Variants in KIRREL3 observed in about 807,000 individuals in gnomAD.
KIRREL3 encodes the protein kirre like nephrin family adhesion molecule 3.
Under a neutral mutation model 89.7 loss-of-function variants are expected in KIRREL3, and 36 were observed. That is an observed-to-expected ratio of 0.40 (90% CI 0.31 to 0.53). The LOEUF is 0.53. Ranked by LOEUF, KIRREL3 falls within the 20% of genes least tolerant of loss-of-function variation. KIRREL3 has a pLI of 0.49. For synonymous variants in KIRREL3, 445 were observed against 441.4 expected, an observed-to-expected ratio of 1.01 and a Z score of -0.10; for missense variants, 864 against 1,056.6, an observed-to-expected ratio of 0.82 and a Z score of 2.53.
chr11:126,809,801 C>T (rs866209160), intron 1 of KIRREL3, among the ~76,000 whole-genome samples: 9 of 152,124 alleles, frequency 5.9e-5, no homozygotes, highest in African/African-American at 2.2e-4. Flanking sequence ...GGATTACAGA[C>T]AAAACCCTCC....
Position 126,423,647 on chromosome 11 carries a change from C to T in KIRREL3, c.*933G>A, listed in dbSNP as rs1050251495. ...AGGGCAGTCTCGCCATCTTAAAGAC[C>T]TGCCCTCCAGCCCCTTCAAACGCCA... On this transcript the variant is annotated 3_prime_UTR_variant, in exon 17 of 17. Coordinates refer to ENST00000525144, the MANE Select transcript of KIRREL3 (RefSeq NM_032531.4). The T allele has an allele frequency of 5.3e-5, 8 of 152,306 alleles. No individual in the cohort carries two copies. The highest frequency in any genetic ancestry group is 1.9e-4 in the African/African-American group (8 of 41,550). 9.4% of individuals were successfully genotyped at this position (152,306 alleles called of 1,614,324 possible).
intron 13 of KIRREL3, 83 bp downstream of exon 13, chr11:126,435,185 A>G: frequency 7.0e-7 from 1 of 1,428,164 alleles, no homozygotes; most frequent in Non-Finnish European, 9.8e-7. Context: ...AGGCCTCCCT[A>G]CCCCCTGCTG....
Position 126,704,637 on chromosome 11 carries a change from A to G in KIRREL3, c.56-141725T>C, listed in dbSNP as rs1947446344. ...TACACAGACAGGGCTCTATTTTTGGATGTCTTGGTTCTCATGAGTTGTGGC... is the reference window on the plus strand; with the variant it reads ...TACACAGACAGGGCTCTATTTTTGGGTGTCTTGGTTCTCATGAGTTGTGGC... On this transcript the variant is annotated intron_variant, in intron 1 of 16. Transcript: ENST00000525144. This position sits in a 1 kb window ranked among gnomAD's most constrained non-coding sequence, Gnocchi z 4.2. Among the ~76,000 whole-genome samples, 1 of 152,020 alleles carries G rather than the reference A, an allele frequency of 6.6e-6. No individual in the cohort carries two copies. The highest frequency in any genetic ancestry group is 6.5e-5 in the Admixed American group (1 of 15,272).
Position 126,963,949 on chromosome 11 carries a change from T to G in KIRREL3, c.55+36506A>C, listed in dbSNP as rs111274565. Among the ~76,000 whole-genome samples the G allele has an allele frequency of 1.3e-3, 204 of 152,254 alleles. 2 individuals carry two copies. Among genetic ancestry groups the G allele is most frequent in the African/African-American group, 4.5e-3 (189 of 41,556 alleles). On this transcript the variant is annotated intron_variant, in intron 1 of 16. Coordinates refer to ENST00000525144, the MANE Select transcript of KIRREL3 (RefSeq NM_032531.4). ...GCACTTGTCCATAACGGAAGAGGGATGTGTATTTGAGCGAGGGGAGGTACA... is the reference window on the plus strand; with the variant it reads ...GCACTTGTCCATAACGGAAGAGGGAGGTGTATTTGAGCGAGGGGAGGTACA...
chr11:126,508,275 G>C lies in KIRREL3; in HGVS notation c.433+13040C>G, dbSNP rs1036222435. 6.6e-6 allele frequency among the ~76,000 whole-genome samples: 1 copy of C among 152,190 alleles called. No homozygotes were observed. Among genetic ancestry groups the C allele is most frequent in the Non-Finnish European group, 1.5e-5 (1 of 68,030 alleles). On this transcript the variant is annotated intron_variant, in intron 4 of 16. Transcript: ENST00000525144. This position sits in a 1 kb window ranked among gnomAD's most constrained non-coding sequence, Gnocchi z 4.9. ...GGGACTCAGCTATTTATTTTTGTGA[G>C]ATGGAGGCTTCTGGGTGCCTATGAA...
chr11:126,662,249 C>T (rs566914268), intron 1 of KIRREL3, among the ~76,000 whole-genome samples: 2 of 152,138 alleles, frequency 1.3e-5, no homozygotes, highest in African/African-American at 2.4e-5. Context: ...TGACTAAGAG[C>T]CCATTACCAT....
chr11:126,868,655 C>A (rs1175030680), intron 1 of KIRREL3, among the ~76,000 whole-genome samples: 2 of 152,078 alleles, frequency 1.3e-5, no homozygotes, highest in Non-Finnish European at 2.9e-5. Context: ...CATGTAGGGG[C>A]CGATCATTAT....
intron 1 of KIRREL3, among the ~76,000 whole-genome samples, chr11:126,662,352 T>G (rs191110273): frequency 6.6e-6 from 1 of 152,240 alleles, no homozygotes; most frequent in Non-Finnish European, 1.5e-5. Flanking sequence ...TAGAGGCTTA[T>G]GAAAGCCATG....
chr11:126,600,107 CT>C (rs1435378589), intron 1 of KIRREL3, among the ~76,000 whole-genome samples: 1 of 152,186 alleles, frequency 6.6e-6, no homozygotes, highest in African/African-American at 2.4e-5. Context: ...CAGATGCTTG[CT>C]TTGATGAAGA....
In KIRREL3 at chr11:126,977,047, G is replaced by T. The variant is rs949976640; in HGVS notation, c.55+23408C>A. Among the ~76,000 whole-genome samples, 10 of 152,102 alleles carry T rather than the reference G, an allele frequency of 6.6e-5. No individual in the cohort carries two copies. The highest frequency in any genetic ancestry group is 4.4e-5 in the Non-Finnish European group (3 of 67,994). On this transcript the variant is annotated intron_variant, in intron 1 of 16. Transcript: ENST00000525144. This position sits in a 1 kb window ranked among gnomAD's most constrained non-coding sequence, Gnocchi z 4.7. ...ATAAACATCATGCTGCATTTCCCAAGGAGGACTGCCCTTTTTATTCTTCTT... is the reference window on the plus strand; with the variant it reads ...ATAAACATCATGCTGCATTTCCCAATGAGGACTGCCCTTTTTATTCTTCTT...
rs373386744 is a variant in KIRREL3, at chr11:126,449,073, G to A, written c.933C>T (p.Pro311=). Residue 311 remains proline, a synonymous_variant, in exon 8 of 17, where the codon CCC becomes CCT. Coordinates refer to ENST00000525144, the MANE Select transcript of KIRREL3 (RefSeq NM_032531.4). ...GGGCGTTGGTCACCTCACAGGAGAC[G>A]GGCTCTGAGAAGTACGTGTAGTCCA... ...TTVDYTYFSE[P]VSCEVTNALG... is the part of the protein sequence containing the mutation. 2.5e-4 allele frequency: 409 copies of A among 1,613,832 alleles called. No individual in the cohort carries two copies. The highest frequency in any genetic ancestry group is 3.3e-4 in the Middle Eastern group (2 of 6,084).
intron 1 of KIRREL3, among the ~76,000 whole-genome samples, chr11:126,840,284 T>G (rs1943919730): frequency 6.6e-6 from 1 of 152,174 alleles, no homozygotes; most frequent in Non-Finnish European, 1.5e-5. Flanking sequence ...TGTAGGAAGC[T>G]CATGAGCATA....
Position 126,609,827 on chromosome 11 carries a change from CTG to C in KIRREL3, c.56-46917_56-46916del, listed in dbSNP as rs201148752. On this transcript the variant is annotated intron_variant, in intron 1 of 16. Transcript: ENST00000525144. The surrounding 1 kb of genome is among the most constrained non-coding windows in gnomAD (Gnocchi z 5.0). Reference sequence around the variant, plus strand: ...CACTCGCAGCTCCAGCACATTCTTACTGTGTCAGTTTTTTTCTGTTGATTATG... The same window carrying C: ...CACTCGCAGCTCCAGCACATTCTTACTGTCAGTTTTTTTCTGTTGATTATG... 0.03 allele frequency among the ~76,000 whole-genome samples: 4,589 copies of C among 152,264 alleles called. 103 individuals are homozygous for C. Among genetic ancestry groups the C allele is most frequent in the Middle Eastern group, 0.071 (21 of 294 alleles).
intron 1 of KIRREL3, among the ~76,000 whole-genome samples, chr11:126,625,670 A>T (rs1591834290): frequency 1.3e-5 from 2 of 152,226 alleles, no homozygotes; most frequent in Admixed American, 1.3e-4. Flanking sequence ...GGAACATAGC[A>T]GACCACTTTA....
rs572615537 is a variant in KIRREL3 at position 126,531,847 on chromosome 11, C to G, written c.134-5160G>C. On this transcript the variant is annotated intron_variant, in intron 2 of 16. Transcript: ENST00000525144. This position sits in a 1 kb window ranked among gnomAD's most constrained non-coding sequence, Gnocchi z 4.7. ...TTGTGTTCCCAGCTGTGGGTGAGCA[C>G]CGGTTACACGTCTGTCACATGTGCC... Among the ~76,000 whole-genome samples the G allele has an allele frequency of 3.3e-5, 5 of 152,298 alleles. No homozygotes were observed. The East Asian group carries it at 5.8e-4, about 18-fold the overall frequency.
At position 126,477,390 on chromosome 11, in the gene KIRREL3, TC is replaced by T. The variant is rs1957096326; in HGVS notation, c.434-3925del. ...TGTGGGAGGGAGCCCCCAAAAGCTTTCCCCAAGTTCTGCTGCCAAAGACAAT... is the reference window on the plus strand; with the variant it reads ...TGTGGGAGGGAGCCCCCAAAAGCTTTCCCAAGTTCTGCTGCCAAAGACAAT... On this transcript the variant is annotated intron_variant, in intron 4 of 16. Coordinates refer to ENST00000525144, the MANE Select transcript of KIRREL3 (RefSeq NM_032531.4). The surrounding 1 kb of genome is among the most constrained non-coding windows in gnomAD (Gnocchi z 4.8). Among the ~76,000 whole-genome samples the T allele has an allele frequency of 6.6e-6, 1 of 151,998 alleles. No homozygotes were observed. The highest frequency in any genetic ancestry group is 1.5e-5 in the Non-Finnish European group (1 of 67,988).
In KIRREL3 at chr11:126,449,033, G is replaced by C; in HGVS notation, c.973C>G (p.Leu325Val). Residue 325 changes from leucine (L) to valine (V), a missense_variant, in exon 8 of 17, where the codon CTC (leucine) becomes GTC (valine). Leu to Val is a conservative substitution (Grantham distance 32, BLOSUM62 1). Coordinates refer to ENST00000525144, the MANE Select transcript of KIRREL3 (RefSeq NM_032531.4). Reference protein sequence around the residue: ...EVTNALGSTNLSRTVDVYFGP... With the variant: ...EVTNALGSTNVSRTVDVYFGP... ...CAGTAGACGTCAACCGTGCGGCTGA[G>C]GTTGGTGCTGCCCAGGGCGTTGGTC... 2 of 1,613,106 alleles carry C rather than the reference G, an allele frequency of 1.2e-6. No homozygotes were observed. Among genetic ancestry groups the C allele is most frequent in the South Asian group, 2.2e-5 (2 of 91,036 alleles).
In KIRREL3 at chr11:126,642,767, T is replaced by C. The variant is rs1944519087; in HGVS notation, c.56-79855A>G. Among the ~76,000 whole-genome samples the C allele has an allele frequency of 6.6e-6, 1 of 152,196 alleles. No homozygotes were observed. The highest frequency in any genetic ancestry group is 1.5e-5 in the Non-Finnish European group (1 of 68,032). ...AGCCTTCTGGAGGCAGGGGGATGGA[T>C]GAAAGAATGTCTTTATGTCCCTTCA... On this transcript the variant is annotated intron_variant, in intron 1 of 16. Coordinates refer to ENST00000525144, the MANE Select transcript of KIRREL3 (RefSeq NM_032531.4). This position sits in a 1 kb window ranked among gnomAD's most constrained non-coding sequence, Gnocchi z 4.9.
intron 1 of KIRREL3, among the ~76,000 whole-genome samples, chr11:126,586,678 C>A (rs1941877014): frequency 6.6e-6 from 1 of 152,114 alleles, no homozygotes; most frequent in Admixed American, 6.5e-5. Context: ...CCACATCAAG[C>A]CTCATCACTT....
Sources: allele counts gnomAD v4.1 joint callset (sites outside exome capture counted in the v4.1 genomes callset), GRCh38; gene constraint gnomAD v4.1.1; non-coding constraint Gnocchi (gnomAD v3.1); transcripts MANE v1.5; gene names NCBI Gene and HGNC (gene_info 2026-07-23, HGNC 2026-07-21).